ECE1: variants seen among roughly 807,000 people sequenced by gnomAD.
ECE1 encodes the protein endothelin-converting enzyme 1.
A neutral mutation model predicts 98.6 loss-of-function variants in ECE1; 35 were observed. The ratio of observed to expected loss-of-function variants is 0.35; its 90% CI spans 0.27 to 0.47. The LOEUF (loss-of-function observed/expected upper bound fraction) is 0.47, where lower values mean the gene tolerates loss of function less well. Ranked by LOEUF, ECE1 falls within the 20% of genes least tolerant of loss-of-function variation. The pLI is 1.00. For missense variants in ECE1, 814 were observed against 1,025.3 expected, an observed-to-expected ratio of 0.79 and a Z score of 2.81; for synonymous variants, 394 against 407.1, an observed-to-expected ratio of 0.97 and a Z score of 0.39.
rs1340157621 is a variant in ECE1, at chr1:21,258,184, T to A, written c.762+509A>T. ...TGTAGCTCTGAGAGGTTGAGGCACT[T>A]GCCCAAGGTCACACAGTGACTGAAT... On this transcript the variant is annotated intron_variant, in intron 6 of 18. Transcript: ENST00000374893. The surrounding 1 kb of genome is among the most constrained non-coding windows in gnomAD (Gnocchi z 4.2). 3.3e-5 allele frequency among the ~76,000 whole-genome samples: 5 copies of A among 152,160 alleles called. No individual in the cohort carries two copies. Among genetic ancestry groups the A allele is most frequent in the African/African-American group, 1.2e-4 (5 of 41,422 alleles).
At chr1:21,306,785 C>T (rs1270521842) in intron 1 of ECE1, among the ~76,000 whole-genome samples, 2 of 152,094 alleles carry the variant, frequency 1.3e-5, no homozygotes, top group South Asian at 2.1e-4. Flanking sequence ...CTGCAGAGAG[C>T]GATGAGTGTT....
chr1:21,250,778 C>T (rs969055736), intron 8 of ECE1, among the ~76,000 whole-genome samples: 7 of 152,068 alleles, frequency 4.6e-5, no homozygotes, highest in African/African-American at 1.4e-4. Context: ...GAGGCCGAGG[C>T]GGGCAGATCA....
rs1292399765 is a variant in ECE1 at position 21,322,973 on chromosome 1, A to G, written c.3+22403T>C. Among the ~76,000 whole-genome samples the G allele has an allele frequency of 1.3e-5, 2 of 152,152 alleles. No individual in the cohort carries two copies. The highest frequency in any genetic ancestry group is 2.9e-5 in the Non-Finnish European group (2 of 68,022). On this transcript the variant is annotated intron_variant, in intron 1 of 18. Transcript: ENST00000415912. The surrounding 1 kb of genome is among the most constrained non-coding windows in gnomAD (Gnocchi z 4.1). ...AAACAAGGCTGCTTACACTTTCCCA[A>G]AGCACCCACATGGCAGAGGAGAGTC...
chr1:21,278,178 T>A (rs2098249706), intron 3 of ECE1, among the ~76,000 whole-genome samples: 1 of 152,220 alleles, frequency 6.6e-6, no homozygotes, highest in African/African-American at 2.4e-5. Context: ...GAAGAATAGA[T>A]GTTGGGGCAC....
At chr1:21,238,075 T>C (rs1573947453) in intron 11 of ECE1, 59 bp downstream of exon 11, 7 of 1,505,214 alleles carry the variant, frequency 4.7e-6, no homozygotes, top group East Asian at 2.3e-5. Flanking sequence ...AACTGGCAGG[T>C]CTGTGCAGGC....
chr1:21,294,604 G>C (rs1466728707), upstream of ECE1, among the ~76,000 whole-genome samples: 1 of 152,236 alleles, frequency 6.6e-6, no homozygotes, highest in Non-Finnish European at 1.5e-5. The surrounding 1 kb of genome is among the most constrained non-coding windows in gnomAD (Gnocchi z 4.2). Flanking sequence ...GTAAATCAAA[G>C]GCCTGTGGTG....
chr1:21,306,132 T>A (rs778081601), intron 1 of ECE1, among the ~76,000 whole-genome samples: 7 of 152,310 alleles, frequency 4.6e-5, no homozygotes, highest in Admixed American at 3.3e-4. Context: ...AAATATTTAT[T>A]ATGTACCTAC....
chr1:21,284,788 G>A (rs146961578), intron 2 of ECE1, among the ~76,000 whole-genome samples: 10 of 152,340 alleles, frequency 6.6e-5, no homozygotes, highest in African/African-American at 2.4e-4. Context: ...CAGGTCGGAA[G>A]GGAAGGCAGA....
chr1:21,335,553 G>A (rs1300326615), intron 1 of ECE1, among the ~76,000 whole-genome samples: 5 of 152,190 alleles, frequency 3.3e-5, no homozygotes, highest in African/African-American at 1.2e-4. Context: ...GACCGAGGGC[G>A]ACCTGATGCC....
At position 21,260,103 on chromosome 1, in the gene ECE1, A is replaced by G. The variant is rs779890862; in HGVS notation, c.615+168T>C. ...CCACGCAGCTACGCAATGTGCTCAC[A>G]CTCACATGTGCTCTCGCACACTCGC... On this transcript the variant is annotated intron_variant, in intron 5 of 18. Coordinates refer to ENST00000374893, the MANE Select transcript of ECE1 (RefSeq NM_001397.3). The surrounding 1 kb of genome is among the most constrained non-coding windows in gnomAD (Gnocchi z 4.3). 6.6e-6 allele frequency among the ~76,000 whole-genome samples: 1 copy of G among 152,018 alleles called. No individual in the cohort carries two copies. Among genetic ancestry groups the G allele is most frequent in the Non-Finnish European group, 1.5e-5 (1 of 68,000 alleles).
chr1:21,264,309 TC>T (rs752018050), intron 4 of ECE1, among the ~76,000 whole-genome samples: 1,451 of 71,140 alleles, frequency 0.02, 12 homozygotes, highest in African/African-American at 0.063. Context: ...ATATACCAAT[TC>T]CCCCCCCCCC....
In ECE1 at chr1:21,220,271, G is replaced by A. The variant is rs1558361097; in HGVS notation, c.2137-140C>T. 2.1e-6 allele frequency: 2 copies of A among 931,476 alleles called. No homozygotes were observed. The highest frequency in any genetic ancestry group is 3.1e-6 in the Non-Finnish European group (2 of 636,562). 57.7% of individuals were successfully genotyped at this position (931,476 alleles called of 1,614,324 possible). ...AGCACTTTGGGAGCCAAGGTGGAAG[G>A]GCTGCTTGAGCCCAGGAGTTCATGA... On this transcript the variant is annotated intron_variant, in intron 18 of 18. Coordinates refer to ENST00000374893, the MANE Select transcript of ECE1 (RefSeq NM_001397.3). The surrounding 1 kb of genome is among the most constrained non-coding windows in gnomAD (Gnocchi z 5.0).
At chr1:21,301,196 T>G (rs768862970) in intron 1 of ECE1, among the ~76,000 whole-genome samples, 3 of 152,104 alleles carry the variant, frequency 2.0e-5, no homozygotes, top group Non-Finnish European at 2.9e-5. Flanking sequence ...CTTCTGTTCT[T>G]AAAAAGCCAA....
intron 14 of ECE1, among the ~76,000 whole-genome samples, 168 bp from the exon 15 acceptor site, chr1:21,228,209 G>A (rs961802432): frequency 2.0e-5 from 3 of 152,104 alleles, no homozygotes; most frequent in African/African-American, 7.2e-5. Flanking sequence ...CAGAAGGACT[G>A]TTTGTTTTGA....
At position 21,219,607 on chromosome 1, in the gene ECE1, T is replaced by C. The variant is rs558097516; in HGVS notation, c.*348A>G. The C allele has an allele frequency of 1.5e-5, 5 of 322,596 alleles. No individual in the cohort carries two copies. Among genetic ancestry groups the C allele is most frequent in the East Asian group, 1.2e-4 (2 of 16,904 alleles). The allele number at this position is 322,596 out of a possible 1,614,324, so 20.0% of individuals were successfully genotyped here. ...AGTGTATTCCACAGTGTTTAAAAAA[T>C]AGTTTCCCCAAAAATATATCTTGAA... On this transcript the variant is annotated 3_prime_UTR_variant, in exon 19 of 19. Coordinates refer to ENST00000374893, the MANE Select transcript of ECE1 (RefSeq NM_001397.3). This position sits in a 1 kb window ranked among gnomAD's most constrained non-coding sequence, Gnocchi z 4.5.
At chr1:21,332,462 T>TA (rs1193192515) in intron 1 of ECE1, among the ~76,000 whole-genome samples, 7 of 150,978 alleles carry the variant, frequency 4.6e-5, no homozygotes, top group Non-Finnish European at 8.8e-5. Context: ...ATTCCCATTT[T>TA]ACTTATGCAG....
chr1:21,263,768 C>G (rs375192554), intron 4 of ECE1, among the ~76,000 whole-genome samples: 1 of 152,110 alleles, frequency 6.6e-6, no homozygotes, highest in African/African-American at 2.4e-5. Flanking sequence ...TCATCAGTAT[C>G]CCCACTGCCA....
At chr1:21,283,676 C>A (rs1389903241) in intron 2 of ECE1, among the ~76,000 whole-genome samples, 3 of 152,188 alleles carry the variant, frequency 2.0e-5, no homozygotes, top group African/African-American at 7.2e-5. Flanking sequence ...AGTGAGGCAA[C>A]CCACGTCTCC....
At chr1:21,324,805 C>T (rs1639040979) in intron 1 of ECE1, among the ~76,000 whole-genome samples, 1 of 152,162 alleles carries the variant, frequency 6.6e-6, no homozygotes, top group African/African-American at 2.4e-5. Flanking sequence ...CCAGCCTCTC[C>T]TTCCCCAACC....
Sources: gnomAD v4.1 joint callset for allele counts (sites outside exome capture counted in the v4.1 genomes callset) on GRCh38, gnomAD v4.1.1 for gene constraint, Gnocchi (gnomAD v3.1) non-coding constraint, MANE v1.5 for transcripts, NCBI Gene and HGNC (gene_info 2026-07-23, HGNC 2026-07-21) for gene names.